ACSF3: variants seen among roughly 807,000 people sequenced by gnomAD.
ACSF3 encodes malonate--CoA ligase ACSF3, mitochondrial.
ACSF3 carries 78 observed loss-of-function variants against 53.2 expected under a neutral mutation model. The observed-to-expected ratio is 1.47, with a 90% CI of 1.22 to 1.77. The LOEUF (loss-of-function observed/expected upper bound fraction) is 1.77, where lower values mean the gene tolerates loss of function less well. Ranked by LOEUF, ACSF3 falls within the 40% of genes most tolerant of loss-of-function variation. The pLI is 0.00. For synonymous variants in ACSF3, 414 were observed against 333.1 expected, an observed-to-expected ratio of 1.24 and a Z score of -2.65; for missense variants, 937 against 771.1, an observed-to-expected ratio of 1.22 and a Z score of -2.55.
At chr16:89,106,552 A>G (rs1262608014) in intron 4 of ACSF3, among the ~76,000 whole-genome samples, 1 of 152,186 alleles carries the variant, frequency 6.6e-6, no homozygotes, top group African/African-American at 2.4e-5. Flanking sequence ...TCAGCCTCCC[A>G]AAGTGCTGGG....
chr16:89,117,758 C>T (rs949824255), intron 6 of ACSF3, among the ~76,000 whole-genome samples: 4 of 152,194 alleles, frequency 2.6e-5, no homozygotes, highest in East Asian at 1.9e-4. Context: ...AACTCCTAGG[C>T]GAACAGGAAG....
chr16:89,115,730 T>C (rs1597961819), intron 6 of ACSF3, among the ~76,000 whole-genome samples: 1 of 152,094 alleles, frequency 6.6e-6, no homozygotes, highest in African/African-American at 2.4e-5. Flanking sequence ...GGGTGGGAGG[T>C]CACGAGCACC....
At chr16:89,097,190 A>G (rs1409413236) in intron 1 of ACSF3, among the ~76,000 whole-genome samples, 19 of 152,004 alleles carry the variant, frequency 1.2e-4, no homozygotes, top group Admixed American at 1.2e-3. Context: ...GCGTGTGGTT[A>G]CCGTGTGCAC....
At chr16:89,130,930 T>G (rs1207500713) in intron 7 of ACSF3, among the ~76,000 whole-genome samples, 1 of 152,154 alleles carries the variant, frequency 6.6e-6, no homozygotes, top group Non-Finnish European at 1.5e-5. Context: ...TTTCTGTTGC[T>G]CTGTCTTCAA....
At chr16:89,110,904 C>T (rs1976604032) in intron 4 of ACSF3, among the ~76,000 whole-genome samples, 1 of 152,202 alleles carries the variant, frequency 6.6e-6, no homozygotes, top group Non-Finnish European at 1.5e-5. Flanking sequence ...CTTTGCTTTC[C>T]CGTCTGTGGG....
chr16:89,100,917 C>T lies in ACSF3; in HGVS notation c.236C>T (p.Ser79Phe), dbSNP rs755491777. ...CTTTATTCCCGCAGCCTTCGCCTGT[C>T]CCAGGAGATCTGCAGGCTCTGCGGG... ...RELYSRSLRL[S>F]QEICRLCGCV... Residue 79 changes from serine to phenylalanine, a missense_variant, in exon 3 of 11, where the codon TCC (serine) becomes TTC (phenylalanine). Physicochemically the swap from Ser to Phe is radical, Grantham distance 155. Coordinates refer to ENST00000614302, the MANE Select transcript of ACSF3 (RefSeq NM_001243279.3). 3 of 1,613,896 alleles carry T rather than the reference C, an allele frequency of 1.9e-6. No individual in the cohort carries two copies. The highest frequency in any genetic ancestry group is 2.5e-6 in the Non-Finnish European group (3 of 1,180,044).
At chr16:89,133,339 C>T in intron 8 of ACSF3, 77 bp downstream of exon 8, 1 of 1,593,260 alleles carries the variant, frequency 6.3e-7, no homozygotes, top group South Asian at 1.1e-5. Context: ...CGTTGAGTGA[C>T]ACCGAGGCTG....
At chr16:89,104,362 G>C (rs1045524369) in intron 4 of ACSF3, among the ~76,000 whole-genome samples, 1 of 152,238 alleles carries the variant, frequency 6.6e-6, no homozygotes, top group African/African-American at 2.4e-5. Flanking sequence ...GTGCGGGGTT[G>C]TTCTGCAGGG....
intron 5 of ACSF3, among the ~76,000 whole-genome samples, chr16:89,112,475 G>C (rs533415559): frequency 6.6e-6 from 1 of 151,816 alleles, no homozygotes; most frequent in Non-Finnish European, 1.5e-5. Context: ...TAGCTGCCTG[G>C]ATTCTGTATC....
chr16:89,114,635 C>G (rs927483699), intron 6 of ACSF3, 148 bp downstream of exon 6: 2 of 1,170,622 alleles, frequency 1.7e-6, no homozygotes, highest in Non-Finnish European at 2.5e-6. Flanking sequence ...GGAGAGCACT[C>G]AGGATGCACT....
intron 8 of ACSF3, among the ~76,000 whole-genome samples, chr16:89,140,434 C>T (rs951681349): frequency 2.0e-5 from 3 of 152,220 alleles, no homozygotes; most frequent in Non-Finnish European, 2.9e-5. Flanking sequence ...CTCAGGGCAT[C>T]GGCTTGGGCG....
At chr16:89,106,223 G>A (rs1161267450) in intron 4 of ACSF3, among the ~76,000 whole-genome samples, 2 of 152,228 alleles carry the variant, frequency 1.3e-5, no homozygotes, top group South Asian at 2.1e-4. Flanking sequence ...CAACGGACAC[G>A]GGAAAGCCTC....
chr16:89,134,319 A>T lies in ACSF3; in HGVS notation c.1366+1057A>T, dbSNP rs921989953. On this transcript the variant is annotated intron_variant, in intron 8 of 10. Transcript: ENST00000614302. ...AAGCCGTGGGCCACAGAAAAGAACCATGGAACCCAGTGACTAGTGTTCAGC... is the reference window on the plus strand; with the variant it reads ...AAGCCGTGGGCCACAGAAAAGAACCTTGGAACCCAGTGACTAGTGTTCAGC... Among the ~76,000 whole-genome samples, 5 of 152,294 alleles carry T rather than the reference A, an allele frequency of 3.3e-5. No individual in the cohort carries two copies. The South Asian group carries it at 8.3e-4, about 25-fold the overall frequency.
At chr16:89,118,729 C>G (rs1363350209) in intron 6 of ACSF3, among the ~76,000 whole-genome samples, 1 of 152,236 alleles carries the variant, frequency 6.6e-6, no homozygotes, top group Non-Finnish European at 1.5e-5. Flanking sequence ...TCCTGGGCCA[C>G]TCTGTGGCAT....
intron 10 of ACSF3, chr16:89,148,540 C>T (rs566990499): frequency 1.3e-5 from 2 of 152,136 alleles, no homozygotes; most frequent in South Asian, 4.1e-4. Flanking sequence ...ATGCTGCTTT[C>T]ATAGGCTGCT....
At chr16:89,138,208 G>A (rs955053742) in intron 8 of ACSF3, among the ~76,000 whole-genome samples, 5 of 152,226 alleles carry the variant, frequency 3.3e-5, no homozygotes, top group African/African-American at 1.2e-4. Flanking sequence ...CTCTCCCTGT[G>A]GTAACGAGGT....
In ACSF3 at chr16:89,154,084, C is replaced by G. The variant is rs368789945; in HGVS notation, c.1614-6C>G. ...AGTGCGCCTCAGGCTGTGCTTGTCT[C>G]TGCAGAAATGTCCTGGCCCCGTACG... is the stretch of plus-strand genomic sequence containing the variant. On this transcript the variant is annotated splice_polypyrimidine_tract_variant and splice_region_variant and intron_variant, in intron 10 of 10. Coordinates refer to ENST00000614302, the MANE Select transcript of ACSF3 (RefSeq NM_001243279.3). 9.9e-6 allele frequency: 16 copies of G among 1,612,248 alleles called. No individual in the cohort carries two copies. The East Asian group carries it at 3.3e-4, about 34-fold the overall frequency.
intron 4 of ACSF3, among the ~76,000 whole-genome samples, chr16:89,107,324 C>T (rs1217564819): frequency 1.3e-5 from 2 of 152,162 alleles, no homozygotes; most frequent in African/African-American, 4.8e-5. Context: ...ACCTCCGCGC[C>T]TGCTCCCTGC....
chr16:89,144,107 G>T (rs756230762), intron 8 of ACSF3, among the ~76,000 whole-genome samples: 4 of 152,328 alleles, frequency 2.6e-5, no homozygotes, highest in African/African-American at 9.6e-5. Context: ...ACACACGCTC[G>T]CAGGCACGCA....
Sources: allele counts gnomAD v4.1 joint callset (sites outside exome capture counted in the v4.1 genomes callset), GRCh38; gene constraint gnomAD v4.1.1; transcripts MANE v1.5; gene names NCBI Gene and HGNC (gene_info 2026-07-23, HGNC 2026-07-21).